Variants in C12orf43 observed in about 807,000 individuals in gnomAD.
C12orf43 encodes chromosome 12 open reading frame 43, also known as protein CUSTOS.
In C12orf43, 15 loss-of-function variants were observed where a neutral mutation model predicts 20.6. The ratio of observed to expected loss-of-function variants is 0.73; its 90% confidence interval spans 0.49 to 1.12. The LOEUF (loss-of-function observed/expected upper bound fraction) is 1.12, where lower values mean the gene tolerates loss of function less well. C12orf43 is among the 50% of genes most tolerant of loss of function. The pLI, the probability that C12orf43 is intolerant of heterozygous loss-of-function variation, is 0.00. For synonymous variants in C12orf43, 144 were observed against 130.8 expected (o/e 1.10, Z -0.69); for missense variants, 334 against 344.4 (o/e 0.97, Z 0.24).
At position 121,016,381 on chromosome 12, in the gene C12orf43, G is replaced by A. The variant is rs1868926369; in HGVS notation, c.94C>T (p.Pro32Ser). 1 of 1,613,746 alleles carries A rather than the reference G, an allele frequency of 6.2e-7. No homozygotes were observed. The highest frequency in any genetic ancestry group is 1.3e-5 in the African/African-American group (1 of 74,946). ...ELERCREAAM[P>S]AWGLEQRPHV... ...GGGCGTTGCTCCAAGCCCCAAGCCGGCATTGCCGCCTCGCGGCACCGCTCC... is the reference window on the plus strand; with the variant it reads ...GGGCGTTGCTCCAAGCCCCAAGCCGACATTGCCGCCTCGCGGCACCGCTCC... Residue 32 changes from proline (P) to serine (S), a missense_variant, in exon 1 of 6, where the codon CCG becomes TCG. Physicochemically the swap from Pro to Ser is moderately conservative, Grantham distance 74. Coordinates refer to ENST00000288757, the MANE Select transcript of C12orf43 (RefSeq NM_022895.3).
At chr12:121,016,259 C>T (rs757475229) in intron 1 of C12orf43, 71 bp downstream of exon 1, 2 of 1,605,066 alleles carry the variant, frequency 1.2e-6, no homozygotes, top group South Asian at 1.1e-5. Flanking sequence ...CTCTCCTCAC[C>T]ATCCATCCTC....
chr12:121,006,373 T>G lies in C12orf43; in HGVS notation c.309A>C (p.Ala103=), dbSNP rs1393366813. The G allele has an allele frequency of 1.9e-6, 3 of 1,614,204 alleles. No homozygotes were observed. Among genetic ancestry groups the G allele is most frequent in the Non-Finnish European group, 2.5e-6 (3 of 1,179,998 alleles). ...CCTTAGCTTTTGCTGGCTCCTTTGC[T>G]GCTTCTGAGATGGTAATGAAGCTAC... ...LLDSFITISE[A]AKEPAKAKVQ... Residue 103 remains alanine, a synonymous_variant, in exon 4 of 6, where the codon GCA becomes GCC. Coordinates refer to ENST00000288757, the MANE Select transcript of C12orf43 (RefSeq NM_022895.3).
At chr12:121,014,378 C>T (rs560399635) in intron 1 of C12orf43, among the ~76,000 whole-genome samples, 16 of 151,888 alleles carry the variant, frequency 1.1e-4, no homozygotes, top group African/African-American at 3.9e-4. Flanking sequence ...CCTGTAATCC[C>T]AGCACTTTGG....
intron 3 of C12orf43, among the ~76,000 whole-genome samples, chr12:121,010,457 A>G (rs1319140088): frequency 6.6e-6 from 1 of 152,200 alleles, no homozygotes; most frequent in Non-Finnish European, 1.5e-5. Flanking sequence ...TCTGAGCCTC[A>G]GTTACCCATC....
At position 121,001,395 on chromosome 12, in the gene C12orf43, A is replaced by G. The variant is rs993106889; in HGVS notation, c.*2758T>C. 3 of 622,072 alleles carry G rather than the reference A, an allele frequency of 4.8e-6. No homozygotes were observed. The African/African-American group carries it at 5.5e-5, about 11-fold the overall frequency. 38.5% of individuals were successfully genotyped at this position (622,072 alleles called of 1,614,324 possible). On this transcript the variant is annotated 3_prime_UTR_variant, in exon 6 of 6. Coordinates refer to ENST00000288757, the MANE Select transcript of C12orf43 (RefSeq NM_022895.3). ...CCCGTGGAGGCTGCTCGGGGTGCAC[A>G]GGAGGGGGTCGTGGAGAGCTAGGAG...
Position 121,001,196 on chromosome 12 carries a change from C to G in C12orf43, c.*2957G>C, listed in dbSNP as rs753174645. On this transcript the variant is annotated 3_prime_UTR_variant, in exon 6 of 6. Transcript: ENST00000288757. Reference sequence around the variant, plus strand: ...GATGGCCTCTTCCTCCCAGTAACCACGGCACCTGGGCCCTGGGGCCTGTAC... The same window carrying G: ...GATGGCCTCTTCCTCCCAGTAACCAGGGCACCTGGGCCCTGGGGCCTGTAC... 1 of 1,613,928 alleles carries G rather than the reference C, an allele frequency of 6.2e-7. No homozygotes were observed. The highest frequency in any genetic ancestry group is 1.7e-5 in the Admixed American group (1 of 60,012).
chr12:121,001,830 G>C lies in C12orf43; in HGVS notation c.*2323C>G. ...AGGGAGGCCGAAGCTAACAGGGAAG[G>C]CAGGCAGGGCTCTCCTGGCTTCCCA... On this transcript the variant is annotated 3_prime_UTR_variant, in exon 6 of 6. Transcript: ENST00000288757. The C allele has an allele frequency of 1.9e-6, 1 of 533,268 alleles. No individual in the cohort carries two copies. Among genetic ancestry groups the C allele is most frequent in the South Asian group, 1.5e-5 (1 of 64,758 alleles). The allele number at this position is 533,268 out of a possible 1,614,324, so 33.0% of individuals were successfully genotyped here.
chr12:121,010,920 C>T lies in C12orf43; in HGVS notation c.195G>A (p.Lys65=). Residue 65 remains lysine (K), a synonymous_variant, in exon 3 of 6, where the codon AAG becomes AAA. Transcript: ENST00000288757. ...TGCCATCTTGTTCATGCTCATTCAC[C>T]TTATGCCTACGACACACACAAAGAG... ...LSTSQPSLRH[K]VNEHEQDGNE... 6.2e-7 allele frequency: 1 copy of T among 1,614,166 alleles called. No individual in the cohort carries two copies. The highest frequency in any genetic ancestry group is 1.3e-5 in the African/African-American group (1 of 75,018).
chr12:121,006,822 A>C (rs1384927467), intron 3 of C12orf43: 2 of 165,010 alleles, frequency 1.2e-5, no homozygotes, highest in East Asian at 3.4e-4. Flanking sequence ...CTGTAGTCCC[A>C]GCTACTCGGG....
intron 3 of C12orf43, 23 bp downstream of exon 3, chr12:121,010,805 G>A: frequency 1.9e-6 from 3 of 1,574,868 alleles, no homozygotes; most frequent in East Asian, 2.3e-5. Flanking sequence ...GGGCAAGAGA[G>A]GAGAAACTCC....
In C12orf43 at chr12:121,004,022, T is replaced by C. The variant is rs751626087; in HGVS notation, c.*131A>G. On this transcript the variant is annotated 3_prime_UTR_variant, in exon 6 of 6. Coordinates refer to ENST00000288757, the MANE Select transcript of C12orf43 (RefSeq NM_022895.3). The surrounding 1 kb of genome is among the most constrained non-coding windows in gnomAD (Gnocchi z 5.6). ...AGCCTTCATCACCATCAGGGTCTCATGGGCAGTCTGGGTTTGCCAGCCCAG... is the reference window on the plus strand; with the variant it reads ...AGCCTTCATCACCATCAGGGTCTCACGGGCAGTCTGGGTTTGCCAGCCCAG... 9 of 1,031,330 alleles carry C rather than the reference T, an allele frequency of 8.7e-6. No individual in the cohort carries two copies. Among genetic ancestry groups the C allele is most frequent in the South Asian group, 6.6e-5 (5 of 75,832 alleles). 63.9% of individuals were successfully genotyped at this position (1,031,330 alleles called of 1,614,324 possible). A position where few individuals can be genotyped will look rare whatever the true frequency, so the allele number is the denominator to read the frequency against.
At position 121,005,641 on chromosome 12, in the gene C12orf43, C is replaced by T. The variant is rs537441851; in HGVS notation, c.362-548G>A. On this transcript the variant is annotated intron_variant, in intron 4 of 5. Transcript: ENST00000288757. This position sits in a 1 kb window ranked among gnomAD's most constrained non-coding sequence, Gnocchi z 5.6. ...TTGGTACAGGACAGACGCAGATGGG[C>T]GAGGCTGTGGAGGGCAGCAGTAAAG... Among the ~76,000 whole-genome samples, 66 of 152,308 alleles carry T rather than the reference C, an allele frequency of 4.3e-4. No homozygotes were observed. The highest frequency in any genetic ancestry group is 3.5e-3 in the Admixed American group (53 of 15,298).
At position 121,004,085 on chromosome 12, in the gene C12orf43, C is replaced by CCT; in HGVS notation, c.*66_*67dup. 1 of 1,529,648 alleles carries CCT rather than the reference C, an allele frequency of 6.5e-7. No individual in the cohort carries two copies. Among genetic ancestry groups the CCT allele is most frequent in the Middle Eastern group, 1.7e-4 (1 of 5,898 alleles). 94.8% of individuals were successfully genotyped at this position (1,529,648 alleles called of 1,614,324 possible). On this transcript the variant is annotated 3_prime_UTR_variant, in exon 6 of 6. Transcript: ENST00000288757. This position sits in a 1 kb window ranked among gnomAD's most constrained non-coding sequence, Gnocchi z 5.6. ...GAGAGGGAGGTGGGGCTTGGAAATG[C>CCT]CTTGTCCCCAGGGTGGGGGGGACAC...
At position 121,004,422 on chromosome 12, in the gene C12orf43, C is replaced by A; in HGVS notation, c.520G>T (p.Glu174Ter). The change falls in exon 6 of 6, where the codon GAG becomes TAG. Residue 174 changes from glutamate (E) to a stop codon, truncating the protein, a stop_gained. Coordinates refer to ENST00000288757, the MANE Select transcript of C12orf43 (RefSeq NM_022895.3). LOFTEE classifies it low-confidence loss of function (END_TRUNC). This position sits in a 1 kb window ranked among gnomAD's most constrained non-coding sequence, Gnocchi z 5.6. The part of the protein sequence containing the change: ...AAVSASDILQ[E>*]SAIHSPGTVE... ...GTTCCAGGGCTGTGGATGGCTGACTCCTGTAGGATGTCGGACGCCGACACA... is the reference window on the plus strand; with the variant it reads ...GTTCCAGGGCTGTGGATGGCTGACTACTGTAGGATGTCGGACGCCGACACA... 6.2e-7 allele frequency: 1 copy of A among 1,613,832 alleles called. No homozygotes were observed. Among genetic ancestry groups the A allele is most frequent in the South Asian group, 1.1e-5 (1 of 91,076 alleles).
rs998134164 is a variant in C12orf43, at chr12:121,001,262, C to T, written c.*2891G>A. 14 of 1,578,820 alleles carry T rather than the reference C, an allele frequency of 8.9e-6. No homozygotes were observed. The African/African-American group carries it at 1.6e-4, about 18-fold the overall frequency. On this transcript the variant is annotated 3_prime_UTR_variant, in exon 6 of 6. Coordinates refer to ENST00000288757, the MANE Select transcript of C12orf43 (RefSeq NM_022895.3). ...TGATGAGGGCAGCAGCCAGCCCTGC[C>T]TGGAGGACCTGAGCCTGCCGAGCAA...
Position 121,005,968 on chromosome 12 carries a change from G to GTAAAA in C12orf43, c.361+352_361+353insTTTTA. On this transcript the variant is annotated intron_variant, in intron 4 of 5. Coordinates refer to ENST00000288757, the MANE Select transcript of C12orf43 (RefSeq NM_022895.3). The surrounding 1 kb of genome is among the most constrained non-coding windows in gnomAD (Gnocchi z 5.6). ...GTGGTGGTGCACGCCTGTAGTCCCA[G>GTAAAA]AACTTTGGAAGGCTAAGGTGGGCAG... 1 of 203,988 alleles carries GTAAAA rather than the reference G, an allele frequency of 4.9e-6. No homozygotes were observed. The allele number at this position is 203,988 out of a possible 1,614,324, so 12.6% of individuals were successfully genotyped here. A position where few individuals can be genotyped will look rare whatever the true frequency, so the allele number is the denominator to read the frequency against.
rs1258847036 is a variant in C12orf43 at position 121,012,355 on chromosome 12, C to T, written c.146-1209G>A. The T allele has an allele frequency of 2.0e-5, 14 of 701,466 alleles. No homozygotes were observed. The East Asian group carries it at 2.1e-4, about 11-fold the overall frequency. The allele number at this position is 701,466 out of a possible 1,614,324, so 43.5% of individuals were successfully genotyped here. A position where few individuals can be genotyped will look rare whatever the true frequency, so the allele number is the denominator to read the frequency against. On this transcript the variant is annotated intron_variant, in intron 1 of 5. Coordinates refer to ENST00000288757, the MANE Select transcript of C12orf43 (RefSeq NM_022895.3). ...GGGGCCAGATCATGAAGGGCCCTGA[C>T]GTGGGCCAATGGGAGGACCTGGACT...
intron 1 of C12orf43, among the ~76,000 whole-genome samples, chr12:121,012,842 C>T (rs1868504876): frequency 9.8e-6 from 1 of 102,250 alleles, no homozygotes; most frequent in South Asian, 3.1e-4. Flanking sequence ...CAGAGCAAGA[C>T]TCCGTCTAAA....
At chr12:121,014,313 CAG>C (rs1338143972) in intron 1 of C12orf43, among the ~76,000 whole-genome samples, 2 of 151,502 alleles carry the variant, frequency 1.3e-5, no homozygotes, top group Non-Finnish European at 2.9e-5. Context: ...GCCTTGGTAA[CAG>C]AGCGAGACTG....
Sources: gnomAD v4.1 joint callset for allele counts (sites outside exome capture counted in the v4.1 genomes callset) on GRCh38, gnomAD v4.1.1 for gene constraint, Gnocchi (gnomAD v3.1) non-coding constraint, MANE v1.5 for transcripts, NCBI Gene and HGNC (gene_info 2026-07-23, HGNC 2026-07-21) for gene names.